Variants in AZIN1 observed in about 807,000 individuals in gnomAD.
AZIN1 encodes the protein ornithine decarboxylase antizyme inhibitor.
Under a neutral mutation model 47.4 loss-of-function variants are expected in AZIN1, and 12 were observed. That is an observed-to-expected ratio of 0.25 (90% CI 0.16 to 0.41). The LOEUF is 0.41. Among genes scored for constraint, AZIN1 ranks in the 10% least tolerant of loss-of-function variants. AZIN1 has a pLI of 1.00. For missense variants in AZIN1, 410 were observed against 532.4 expected (o/e 0.77, Z 2.26); for synonymous variants, 155 against 176.3 (o/e 0.88, Z 0.96).
At chr8:102,842,718 C>CA (rs745582696) in intron 3 of AZIN1, among the ~76,000 whole-genome samples, 2 of 135,388 alleles carry the variant, frequency 1.5e-5, no homozygotes, top group Non-Finnish European at 3.2e-5. Context: ...AAAAAAAAAA[C>CA]AAAAAACAAA....
At chr8:102,843,346 C>T (rs112489112) in intron 3 of AZIN1, among the ~76,000 whole-genome samples, 1 of 151,940 alleles carries the variant, frequency 6.6e-6, no homozygotes, top group Non-Finnish European at 1.5e-5. Context: ...GGTAAAGGGC[C>T]ATAGGGAGGA....
chr8:102,839,523 T>G lies in AZIN1; in HGVS notation c.276+127A>C, dbSNP rs1393656072. 4.6e-6 allele frequency: 3 copies of G among 654,258 alleles called. No homozygotes were observed. In the Admixed American group the frequency reaches 1.2e-4, roughly 26 times the overall value. 40.5% of individuals were successfully genotyped at this position (654,258 alleles called of 1,614,324 possible). On this transcript the variant is annotated intron_variant, in intron 4 of 11. Transcript: ENST00000337198. ...TAATTTTCCAACATGAGGCTGGAGATTTAAACAATTATTTTGAAACTCCAT... is the reference window on the plus strand; with the variant it reads ...TAATTTTCCAACATGAGGCTGGAGAGTTAAACAATTATTTTGAAACTCCAT...
rs1811667575 is a variant in AZIN1, at chr8:102,834,222, TCCA to T, written c.705_707del (p.Gly237del). Reference sequence around the variant, plus strand: ...ATTGAAATTCAGTTCCCGTGAATCCTCCACCAATGTCTAACATGTTCATCGTAA... The same window carrying T: ...ATTGAAATTCAGTTCCCGTGAATCCTCCAATGTCTAACATGTTCATCGTAA... On this transcript the variant is annotated inframe_deletion, in exon 8 of 12. Transcript: ENST00000337198. 1.2e-6 allele frequency: 2 copies of T among 1,612,688 alleles called. No homozygotes were observed. The highest frequency in any genetic ancestry group is 1.7e-6 in the Non-Finnish European group (2 of 1,179,832).
intron 3 of AZIN1, among the ~76,000 whole-genome samples, 188 bp from the exon 4 acceptor site, chr8:102,840,011 GTTCT>G (rs777644764): frequency 2.2e-4 from 33 of 152,076 alleles, no homozygotes; most frequent in South Asian, 4.1e-4. Flanking sequence ...GAATACATTT[GTTCT>G]TTCTTCTTAT....
In AZIN1 at chr8:102,829,319, A is replaced by C; in HGVS notation, c.1188T>G (p.Asn396Lys). The C allele has an allele frequency of 6.2e-7, 1 of 1,613,984 alleles. No homozygotes were observed. The highest frequency in any genetic ancestry group is 8.5e-7 in the Non-Finnish European group (1 of 1,179,880). The change falls in exon 11 of 12, where the codon AAT becomes AAG. Residue 396 changes from asparagine (N) to lysine (K), a missense_variant. By Grantham distance (94) the Asn-to-Lys change is moderately conservative. This residue lies in a region of AZIN1 where 168 missense variants were observed against 198.3 expected (regional missense o/e 0.85). Coordinates refer to ENST00000337198, the MANE Select transcript of AZIN1 (RefSeq NM_148174.4). The part of the protein sequence containing the change: ...ADSFHEPSAF[N>K]DFQRPAIYYM... Reference sequence around the variant, plus strand: ...AATAAATGGCTGGCCTCTGAAAATCATTAAAAGCAGATGGTTCATGGAAAG... The same window carrying C: ...AATAAATGGCTGGCCTCTGAAAATCCTTAAAAGCAGATGGTTCATGGAAAG...
intron 6 of AZIN1, chr8:102,834,981 C>T (rs1403079755): frequency 1.7e-5 from 8 of 464,870 alleles, no homozygotes; most frequent in Non-Finnish European, 3.1e-5. Flanking sequence ...AAATTCTTAA[C>T]AATAAGTCAA....
chr8:102,836,720 C>A (rs1422904256), intron 5 of AZIN1, among the ~76,000 whole-genome samples: 1 of 152,120 alleles, frequency 6.6e-6, no homozygotes, highest in Admixed American at 6.6e-5. Flanking sequence ...CCTAGGAAGA[C>A]TAAATTGAAT....
At chr8:102,846,388 TCTGA>T (rs1187674112) in intron 2 of AZIN1, among the ~76,000 whole-genome samples, 17 of 152,354 alleles carry the variant, frequency 1.1e-4, no homozygotes, top group African/African-American at 3.1e-4. Context: ...TAGGTTCAAC[TCTGA>T]CTGCCTGCTA....
chr8:102,846,645 T>G (rs937897757), intron 2 of AZIN1, among the ~76,000 whole-genome samples: 2 of 148,608 alleles, frequency 1.3e-5, no homozygotes, highest in Admixed American at 1.3e-4. Flanking sequence ...CAGGACTCCT[T>G]TTTTTTTTGG....
chr8:102,834,449 C>G (rs954498141), intron 7 of AZIN1, among the ~76,000 whole-genome samples, 186 bp from the exon 8 acceptor site: 1 of 152,130 alleles, frequency 6.6e-6, no homozygotes, highest in Non-Finnish European at 1.5e-5. Flanking sequence ...TTTATTTGTA[C>G]TCTCTTCTAG....
At chr8:102,829,978 A>G (rs759695091) in intron 9 of AZIN1, 42 bp from the exon 10 acceptor site, 6 of 1,237,166 alleles carry the variant, frequency 4.8e-6, no homozygotes, top group Non-Finnish European at 7.0e-6. Flanking sequence ...TTTTAATAAA[A>G]TGGCTCATAT....
chr8:102,840,973 T>C (rs989434306), intron 3 of AZIN1, among the ~76,000 whole-genome samples: 2 of 128,270 alleles, frequency 1.6e-5, no homozygotes, highest in African/African-American at 5.1e-5. Flanking sequence ...ATAAGGTATT[T>C]ACGGGAACCA....
At chr8:102,844,765 G>GT (rs567436648) in intron 2 of AZIN1, among the ~76,000 whole-genome samples, 2 of 152,074 alleles carry the variant, frequency 1.3e-5, no homozygotes, top group Non-Finnish European at 2.9e-5. Flanking sequence ...TGTAAATTAG[G>GT]TATCTGTACA....
chr8:102,831,209 A>G (rs1204481867), intron 9 of AZIN1, among the ~76,000 whole-genome samples: 2 of 152,184 alleles, frequency 1.3e-5, no homozygotes, highest in Non-Finnish European at 1.5e-5. Flanking sequence ...AATAAGAGTA[A>G]CAGATTATAT....
At chr8:102,860,611 T>TCCTGAGC (rs1813585040) in intron 1 of AZIN1, among the ~76,000 whole-genome samples, 1 of 152,136 alleles carries the variant, frequency 6.6e-6, no homozygotes, top group Non-Finnish European at 1.5e-5. Context: ...GGCCTTGAAT[T>TCCTGAGC]CCTGAGCTCA....
chr8:102,849,727 AG>A (rs1490315229), intron 2 of AZIN1, among the ~76,000 whole-genome samples: 1 of 152,242 alleles, frequency 6.6e-6, no homozygotes, highest in African/African-American at 2.4e-5. Context: ...CTAATACAGT[AG>A]CGTATAACCA....
At position 102,828,565 on chromosome 8, in the gene AZIN1, G is replaced by A; in HGVS notation, c.*2C>T. ...CAGATCTAAAGAAGCGTTAATGCCT[G>A]TTTAAGCTTCAGCGGAAAAGCTGTC... On this transcript the variant is annotated 3_prime_UTR_variant, in exon 12 of 12. Coordinates refer to ENST00000337198, the MANE Select transcript of AZIN1 (RefSeq NM_148174.4). 1 of 1,600,092 alleles carries A rather than the reference G, an allele frequency of 6.2e-7. No homozygotes were observed. Among genetic ancestry groups the A allele is most frequent in the Non-Finnish European group, 8.6e-7 (1 of 1,168,766 alleles).
intron 2 of AZIN1, among the ~76,000 whole-genome samples, chr8:102,856,414 G>A (rs1489853271): frequency 1.3e-5 from 2 of 152,152 alleles, no homozygotes; most frequent in African/African-American, 4.8e-5. Context: ...CAAAGAGGGA[G>A]ACACTATAGA....
intron 2 of AZIN1, among the ~76,000 whole-genome samples, chr8:102,844,504 G>A (rs1196698369): frequency 6.6e-6 from 1 of 152,164 alleles, no homozygotes; most frequent in Non-Finnish European, 1.5e-5. Flanking sequence ...GTTATGAGGT[G>A]AGTTGCTTTG....
Sources: gnomAD v4.1 joint callset for allele counts (sites outside exome capture counted in the v4.1 genomes callset) on GRCh38, gnomAD v4.1.1 for gene constraint, gnomAD v4.1.1 regional missense constraint, MANE v1.5 for transcripts, NCBI Gene and HGNC (gene_info 2026-07-23, HGNC 2026-07-21) for gene names.